ZNF417: variants seen among roughly 807,000 people sequenced by gnomAD.
ZNF417 encodes zinc finger protein 417.
ZNF417 carries 5 observed loss-of-function variants against 7.4 expected under a neutral mutation model. That is an observed-to-expected ratio of 0.68 (90% CI 0.35 to 1.43). ZNF417 has a LOEUF of 1.43. Among genes scored for constraint, ZNF417 ranks in the 40% most tolerant of loss-of-function variants. ZNF417 has a pLI of 0.04. For synonymous variants in ZNF417, 147 were observed against 239.1 expected (o/e 0.61, Z 3.55); for missense variants, 437 against 697.3 (o/e 0.63, Z 4.20).
At chr19:57,912,571 A>G (rs2071908382) in intron 1 of ZNF417, among the ~76,000 whole-genome samples, 3 of 152,010 alleles carry the variant, frequency 2.0e-5, no homozygotes, top group Non-Finnish European at 2.9e-5. Context: ...TTTCCCTACC[A>G]TCAGCCTCTC....
intron 1 of ZNF417, among the ~76,000 whole-genome samples, chr19:57,914,483 C>CAAAAAAAAAA (rs528220711): frequency 5.2e-5 from 3 of 57,612 alleles, no homozygotes; most frequent in Non-Finnish European, 1.1e-4. Context: ...CGAAACTCCA[C>CAAAAAAAAAA]AAAAAAAAAA....
At chr19:57,912,705 T>A (rs1170593435) in intron 1 of ZNF417, among the ~76,000 whole-genome samples, 6 of 152,020 alleles carry the variant, frequency 3.9e-5, no homozygotes, top group African/African-American at 7.2e-5. Flanking sequence ...GCCTCCTGGG[T>A]TCAAGTGATT....
Position 57,908,598 on chromosome 19 carries a change from G to T in ZNF417, c.1680C>A (p.Ser560Arg). ...CTKCGKTFQR[S>R]STLLHHQSSH... ...AACTCTGATGATGAAGGAGGGTAGA[G>T]CTTCGCTGAAATGTTTTTCCACATT... is the stretch of plus-strand genomic sequence containing the variant. The change falls in exon 3 of 3, where the codon AGC (serine) becomes AGA (arginine). Residue 560 changes from serine (S) to arginine (R), a missense_variant. Around this residue, in one of 5 missense-constraint regions of ZNF417, gnomAD observed 233 missense variants for 235.5 expected, o/e 0.99. Coordinates refer to ENST00000312026, the MANE Select transcript of ZNF417 (RefSeq NM_152475.3). The T allele has an allele frequency of 6.2e-7, 1 of 1,613,894 alleles. No individual in the cohort carries two copies. The highest frequency in any genetic ancestry group is 8.5e-7 in the Non-Finnish European group (1 of 1,180,012).
Position 57,905,974 on chromosome 19 carries a change from T to C in ZNF417, c.*2576A>G, listed in dbSNP as rs893787367. 1.9e-4 allele frequency among the ~76,000 whole-genome samples: 26 copies of C among 139,732 alleles called. No homozygotes were observed. Among genetic ancestry groups the C allele is most frequent in the South Asian group, 2.3e-4 (1 of 4,262 alleles). The allele number at this position is 139,732 out of a possible 152,430, so 91.7% of individuals were successfully genotyped here. The stretch of plus-strand genomic sequence containing the variant: ...CTGTAGTTTATGAAGAAAAAAGTTT[T>C]GTTTTTTTTGAGGCAGGGCCTTGCT... On this transcript the variant is annotated 3_prime_UTR_variant, in exon 3 of 3. Transcript: ENST00000312026.
intron 1 of ZNF417, among the ~76,000 whole-genome samples, chr19:57,912,540 C>T (rs1331156800): frequency 2.6e-5 from 4 of 152,182 alleles, no homozygotes; most frequent in African/African-American, 9.6e-5. Context: ...GACACATCCC[C>T]ATGGCCACCC....
intron 1 of ZNF417, among the ~76,000 whole-genome samples, chr19:57,913,880 C>T (rs2071920990): frequency 1.3e-5 from 2 of 152,188 alleles, no homozygotes; most frequent in African/African-American, 4.8e-5. Context: ...AAATCTGAAG[C>T]ATGTCCTCCT....
At chr19:57,914,635 T>C (rs1285657615) in intron 1 of ZNF417, among the ~76,000 whole-genome samples, 1 of 152,154 alleles carries the variant, frequency 6.6e-6, no homozygotes, top group Non-Finnish European at 1.5e-5. Flanking sequence ...ATCTCTGACA[T>C]TTCTTCCTCT....
At position 57,916,485 on chromosome 19, in the gene ZNF417, G is replaced by C; in HGVS notation, c.-74C>G. 6.2e-7 allele frequency: 1 copy of C among 1,611,222 alleles called. No homozygotes were observed. The highest frequency in any genetic ancestry group is 1.3e-5 in the African/African-American group (1 of 74,986). On this transcript the variant is annotated 5_prime_UTR_variant, in exon 1 of 3. Transcript: ENST00000312026. ...GGCTGCAGAGCCGCCTCTGGGCACC[G>C]AGGACGATTCCTCTCCACCTTCTAG...
Position 57,908,581 on chromosome 19 carries a change from T to C in ZNF417, c.1697A>G (p.His566Arg). 6.2e-7 allele frequency: 1 copy of C among 1,613,964 alleles called. No homozygotes were observed. The highest frequency in any genetic ancestry group is 8.5e-7 in the Non-Finnish European group (1 of 1,179,974). Reference sequence around the variant, plus strand: ...GGCCTTTCTCCTGTGTGAACTCTGATGATGAAGGAGGGTAGAGCTTCGCTG... The same window carrying C: ...GGCCTTTCTCCTGTGTGAACTCTGACGATGAAGGAGGGTAGAGCTTCGCTG... ...TFQRSSTLLHHQSSHRRKAL is the reference protein window; with the variant it reads ...TFQRSSTLLHRQSSHRRKAL The change falls in exon 3 of 3, where the codon CAT becomes CGT. Residue 566 changes from histidine (H) to arginine (R), a missense_variant. By Grantham distance (29) the His-to-Arg change is conservative (BLOSUM62 0). This residue lies in a region of ZNF417 where 233 missense variants were observed against 235.5 expected (regional missense o/e 0.99). Transcript: ENST00000312026.
Position 57,909,164 on chromosome 19 carries a change from G to A in ZNF417, c.1114C>T (p.Arg372Cys), listed in dbSNP as rs1367963790. The change falls in exon 3 of 3, where the codon CGT (arginine) becomes TGT (cysteine). Residue 372 changes from arginine (R) to cysteine (C), a missense_variant. By Grantham distance (180) the Arg-to-Cys change is radical. This residue lies in a region of ZNF417 where 53 missense variants were observed against 91.9 expected (regional missense o/e 0.58). Coordinates refer to ENST00000312026, the MANE Select transcript of ZNF417 (RefSeq NM_152475.3). ...RQKFCFINHQ[R>C]VHTGERPYKC... is the part of the protein sequence containing the mutation. ...TAAGGCCTTTCTCCAGTGTGAACAC[G>A]CTGATGGTTAATAAAGCAGAACTTC... The A allele has an allele frequency of 1.3e-5, 21 of 1,613,886 alleles. No homozygotes were observed. The highest frequency in any genetic ancestry group is 3.3e-5 in the Admixed American group (2 of 60,004).
intron 2 of ZNF417, among the ~76,000 whole-genome samples, chr19:57,910,980 G>T (rs778876713): frequency 6.6e-6 from 1 of 152,214 alleles, no homozygotes; most frequent in African/African-American, 2.4e-5. Flanking sequence ...GGGAAGCAGA[G>T]GTTGCAATGA....
rs1220866843 is a variant in ZNF417, at chr19:57,908,343, G to A, written c.*207C>T. 1 of 887,722 alleles carries A rather than the reference G, an allele frequency of 1.1e-6. No individual in the cohort carries two copies. The highest frequency in any genetic ancestry group is 1.7e-6 in the Non-Finnish European group (1 of 593,498). 55.0% of individuals were successfully genotyped at this position (887,722 alleles called of 1,614,324 possible). A position where few individuals can be genotyped will look rare whatever the true frequency, so the allele number is the denominator to read the frequency against. On this transcript the variant is annotated 3_prime_UTR_variant, in exon 3 of 3. Coordinates refer to ENST00000312026, the MANE Select transcript of ZNF417 (RefSeq NM_152475.3). ...CACTTGAACCTGGGAGGCCCAAGTT[G>A]CAGTGAGCCAAGATTGCACCACTGC... is the stretch of plus-strand genomic sequence containing the variant.
Position 57,916,525 on chromosome 19 carries a change from GT to G in ZNF417, c.-115del, listed in dbSNP as rs2071951134. The G allele has an allele frequency of 2.5e-5, 40 of 1,579,356 alleles. No homozygotes were observed. In the East Asian group the frequency reaches 8.9e-4, roughly 35 times the overall value. ...CCACCTTCTAGGTTCAGTCACCGCG[GT>G]CCCCCCCCAGCACTCAGGGGCCACA... On this transcript the variant is annotated 5_prime_UTR_variant, in exon 1 of 3. Coordinates refer to ENST00000312026, the MANE Select transcript of ZNF417 (RefSeq NM_152475.3).
Position 57,906,760 on chromosome 19 carries a change from C to CAAAAAAAAAAAAAAAAAAA in ZNF417, c.*1771_*1789dup, listed in dbSNP as rs1180110149. 22 of 30,522 alleles carry CAAAAAAAAAAAAAAAAAAA rather than the reference C, an allele frequency of 7.2e-4. No homozygotes were observed. Among genetic ancestry groups the CAAAAAAAAAAAAAAAAAAA allele is most frequent in the South Asian group, 1.8e-3 (1 of 554 alleles). 1.9% of individuals were successfully genotyped at this position (30,522 alleles called of 1,614,324 possible). A position where few individuals can be genotyped will look rare whatever the true frequency, so the allele number is the denominator to read the frequency against. On this transcript the variant is annotated 3_prime_UTR_variant, in exon 3 of 3. Transcript: ENST00000312026. Reference sequence around the variant, plus strand: ...TGGGTGACAGAGTGAGACTCTGTCTCAAAAAAAAAAAAAAAAAAAAATTTA... The same window carrying CAAAAAAAAAAAAAAAAAAA: ...TGGGTGACAGAGTGAGACTCTGTCTCAAAAAAAAAAAAAAAAAAAAAAAAAAAAAAAAAAAAAAAATTTA...
chr19:57,913,696 C>T (rs1020488707), intron 1 of ZNF417, among the ~76,000 whole-genome samples: 5 of 152,178 alleles, frequency 3.3e-5, no homozygotes, highest in African/African-American at 9.7e-5. Flanking sequence ...ATTCTCTCCT[C>T]GGATGTCTAT....
At chr19:57,912,837 G>T (rs1477173610) in intron 1 of ZNF417, among the ~76,000 whole-genome samples, 1 of 151,824 alleles carries the variant, frequency 6.6e-6, no homozygotes, top group African/African-American at 2.4e-5. Flanking sequence ...CTGGTCTTGA[G>T]CTCCTGGTCT....
At chr19:57,914,777 G>A (rs2071932466) in intron 1 of ZNF417, among the ~76,000 whole-genome samples, 1 of 152,184 alleles carries the variant, frequency 6.6e-6, no homozygotes, top group African/African-American at 2.4e-5. Context: ...AGCAAATCCT[G>A]GGTTAATCTT....
rs544947892 is a variant in ZNF417 at position 57,914,914 on chromosome 19, G to A, written c.33+1465C>T. On this transcript the variant is annotated intron_variant, in intron 1 of 2. Transcript: ENST00000312026. ...AAAGGACTGAAAAAATGGCACTTAA[G>A]AGTCCCAGCACACCACAAGCTAGAG... Among the ~76,000 whole-genome samples the A allele has an allele frequency of 5.9e-5, 9 of 152,276 alleles. 2 individuals are homozygous for A. The South Asian group carries it at 1.7e-3, about 28-fold the overall frequency.
rs2071828767 is a variant in ZNF417 at position 57,906,477 on chromosome 19, G to T, written c.*2073C>A. Among the ~76,000 whole-genome samples, 1 of 151,958 alleles carries T rather than the reference G, an allele frequency of 6.6e-6. No individual in the cohort carries two copies. The highest frequency in any genetic ancestry group is 6.6e-5 in the Admixed American group (1 of 15,232). ...ATCATGCTATCATAGGATTTCTAGG[G>T]ATAAGCCGAGTGCCGTGGCAGATGC... On this transcript the variant is annotated 3_prime_UTR_variant, in exon 3 of 3. Coordinates refer to ENST00000312026, the MANE Select transcript of ZNF417 (RefSeq NM_152475.3).
Sources: gnomAD v4.1 joint callset for allele counts (sites outside exome capture counted in the v4.1 genomes callset) on GRCh38, gnomAD v4.1.1 for gene constraint, gnomAD v4.1.1 regional missense constraint, MANE v1.5 for transcripts, NCBI Gene and HGNC (gene_info 2026-07-23, HGNC 2026-07-21) for gene names.